Variants in ANXA11 observed in about 807,000 individuals in gnomAD.
The protein encoded by ANXA11 is 56 kDa autoantigen.
In ANXA11, 57 loss-of-function variants were observed where a neutral mutation model predicts 64.7. The ratio of observed to expected loss-of-function variants is 0.88; its 90% CI spans 0.71 to 1.10. The LOEUF (loss-of-function observed/expected upper bound fraction) is 1.10. Among genes scored for constraint, ANXA11 ranks in the 50% least tolerant of loss-of-function variants. The pLI, the probability that ANXA11 is intolerant of heterozygous loss-of-function variation, is 0.00. For missense variants in ANXA11, 675 were observed against 670.7 expected, an observed-to-expected ratio of 1.01 and a Z score of -0.07; for synonymous variants, 260 against 265.2, an observed-to-expected ratio of 0.98 and a Z score of 0.19.
At chr10:80,168,509 G>A (rs1212036743) in intron 5 of ANXA11, among the ~76,000 whole-genome samples, 3 of 152,110 alleles carry the variant, frequency 2.0e-5, no homozygotes, top group Admixed American at 6.6e-5. Flanking sequence ...AGAAGGTGAC[G>A]CTCTTTGTTT....
chr10:80,200,751 C>G (rs1255451072), intron 1 of ANXA11, among the ~76,000 whole-genome samples: 1 of 152,138 alleles, frequency 6.6e-6, no homozygotes, highest in Non-Finnish European at 1.5e-5. Flanking sequence ...TTAATACCAG[C>G]CAGGTGCAGT....
intron 1 of ANXA11, among the ~76,000 whole-genome samples, chr10:80,185,520 A>G (rs1489496073): frequency 6.6e-6 from 1 of 152,228 alleles, no homozygotes; most frequent in Non-Finnish European, 1.5e-5. Context: ...AGCGTAATAA[A>G]AGCTCTGATA....
intron 1 of ANXA11, among the ~76,000 whole-genome samples, chr10:80,177,971 T>C (rs1215872923): frequency 6.6e-6 from 1 of 152,076 alleles, no homozygotes; most frequent in Non-Finnish European, 1.5e-5. Context: ...TTCTCCTCCT[T>C]TTCTTTGAAA....
At chr10:80,179,799 C>T (rs1381780328) in intron 1 of ANXA11, among the ~76,000 whole-genome samples, 1 of 152,206 alleles carries the variant, frequency 6.6e-6, no homozygotes, top group African/African-American at 2.4e-5. Flanking sequence ...AAACTGCATG[C>T]TTTTTACAAA....
chr10:80,190,719 T>C (rs1261768267), intron 1 of ANXA11, among the ~76,000 whole-genome samples: 1 of 150,248 alleles, frequency 6.7e-6, no homozygotes, highest in East Asian at 2.0e-4. Flanking sequence ...TCTCCTGACC[T>C]CGTGATCCGC....
chr10:80,194,068 C>T (rs1846887850), intron 1 of ANXA11, among the ~76,000 whole-genome samples: 4 of 152,080 alleles, frequency 2.6e-5, no homozygotes, highest in African/African-American at 7.2e-5. Flanking sequence ...TCTGAAAAAA[C>T]AGGCATATAT....
At chr10:80,157,807 C>T in intron 14 of ANXA11, 44 bp from the exon 15 acceptor site, 5 of 1,599,906 alleles carry the variant, frequency 3.1e-6, no homozygotes, top group Non-Finnish European at 4.3e-6. Context: ...GGCCTCCTCA[C>T]CTTCCCACCT....
chr10:80,205,066 C>T (rs925294933), intron 1 of ANXA11: 1 of 152,368 alleles, frequency 6.6e-6, no homozygotes, highest in African/African-American at 2.4e-5. Flanking sequence ...AGACCCCGAC[C>T]CCTGAGCCCG....
rs1833345381 is a variant in ANXA11, at chr10:80,155,293, C to T, written c.*560G>A. 6.6e-6 allele frequency: 1 copy of T among 151,358 alleles called. No individual in the cohort carries two copies. Among genetic ancestry groups the T allele is most frequent in the African/African-American group, 2.4e-5 (1 of 41,320 alleles). 9.4% of individuals were successfully genotyped at this position (151,358 alleles called of 1,614,324 possible). A position where few individuals can be genotyped will look rare whatever the true frequency, so the allele number is the denominator to read the frequency against. The stretch of plus-strand genomic sequence containing the variant: ...CAAGGAAGATGGAAGGAATGACTTT[C>T]TGGCCCTTTTTTTTTGTTTTTTCTA... On this transcript the variant is annotated 3_prime_UTR_variant, in exon 16 of 16. Coordinates refer to ENST00000422982, the MANE Select transcript of ANXA11 (RefSeq NM_145868.2).
Position 80,151,648 on chromosome 10 carries a change from G to A in ANXA11, c.*4205C>T. 6.6e-6 allele frequency: 1 copy of A among 152,292 alleles called. No individual in the cohort carries two copies. Among genetic ancestry groups the A allele is most frequent in the Non-Finnish European group, 1.5e-5 (1 of 68,044 alleles). The allele number at this position is 152,292 out of a possible 1,614,324, so 9.4% of individuals were successfully genotyped here. A position where few individuals can be genotyped will look rare whatever the true frequency, so the allele number is the denominator to read the frequency against. ...ACCACCACTTTGACCGTGGGCACCT[G>A]CAAAGGTTCATCTTTCAGCTCCCTC... On this transcript the variant is annotated 3_prime_UTR_variant, in exon 16 of 16. Coordinates refer to ENST00000422982, the MANE Select transcript of ANXA11 (RefSeq NM_145868.2).
intron 7 of ANXA11, 157 bp from the exon 8 acceptor site, chr10:80,166,354 C>T: frequency 1.7e-6 from 1 of 577,396 alleles, no homozygotes. Context: ...CTCAGCCCTG[C>T]CCCAAACCTC....
intron 1 of ANXA11, among the ~76,000 whole-genome samples, chr10:80,200,102 G>A (rs372911903): frequency 2.0e-5 from 3 of 152,254 alleles, no homozygotes; most frequent in South Asian, 4.1e-4. Flanking sequence ...CCCAGGCAAC[G>A]TCCCAGGAGT....
rs139412104 is a variant in ANXA11 at position 80,169,056 on chromosome 10, C to A, written c.474G>T (p.Val158=). ...PPVTYPGQPP[V]PLPGQQQPVP... Reference sequence around the variant, plus strand: ...CTGGCTGCTGCTGCCCAGGGAGTGGCACTGGAGGCTGACCAGGGTAGGTCA... The same window carrying A: ...CTGGCTGCTGCTGCCCAGGGAGTGGAACTGGAGGCTGACCAGGGTAGGTCA... Residue 158 remains valine (V), a synonymous_variant, in exon 5 of 16, where the codon GTG becomes GTT. Transcript: ENST00000422982. The A allele has an allele frequency of 1.9e-3, 2,873 of 1,540,414 alleles. 5 individuals are homozygous for A. The highest frequency in any genetic ancestry group is 4.8e-3 in the Middle Eastern group (27 of 5,670).
At chr10:80,187,043 C>A (rs572057629) in intron 1 of ANXA11, among the ~76,000 whole-genome samples, 4 of 152,226 alleles carry the variant, frequency 2.6e-5, no homozygotes, top group Non-Finnish European at 5.9e-5. Flanking sequence ...CAGGCCAGCA[C>A]GTGATGGGCA....
chr10:80,171,097 G>A, intron 3 of ANXA11, 182 bp from the exon 4 acceptor site: 1 of 1,511,262 alleles, frequency 6.6e-7, no homozygotes. Context: ...CCCACTGGCA[G>A]AGGAGGGGAA....
intron 1 of ANXA11, among the ~76,000 whole-genome samples, chr10:80,201,984 C>G (rs1000005841): frequency 2.0e-5 from 3 of 152,172 alleles, no homozygotes; most frequent in African/African-American, 7.2e-5. Flanking sequence ...TCTGCTAAGG[C>G]GGAGCCTAAG....
chr10:80,166,731 C>T (rs1845754716), intron 7 of ANXA11, 159 bp downstream of exon 7: 1 of 640,764 alleles, frequency 1.6e-6, no homozygotes, highest in East Asian at 2.8e-5. Flanking sequence ...CTTCACCTCC[C>T]AACGATGCCA....
chr10:80,168,866 C>G (rs1167217165), intron 5 of ANXA11, 103 bp downstream of exon 5: 3 of 1,278,716 alleles, frequency 2.3e-6, no homozygotes, highest in African/African-American at 3.1e-5. Context: ...AGAAGTGCAG[C>G]TGGAGGCCTG....
chr10:80,192,642 A>C (rs1006795560), intron 1 of ANXA11, among the ~76,000 whole-genome samples: 2 of 152,204 alleles, frequency 1.3e-5, no homozygotes, highest in Non-Finnish European at 2.9e-5. Context: ...AACTTTAGAA[A>C]AGAAAGAACA....
Sources: allele counts gnomAD v4.1 joint callset (sites outside exome capture counted in the v4.1 genomes callset), GRCh38; gene constraint gnomAD v4.1.1; transcripts MANE v1.5; gene names NCBI Gene and HGNC (gene_info 2026-07-23, HGNC 2026-07-21).